The following TMEM41B variants were observed in gnomAD, a reference collection of about 807,000 sequenced individuals.
The protein encoded by TMEM41B is protein stasimon.
TMEM41B carries 18 observed loss-of-function variants against 31.9 expected under a neutral mutation model. That is an observed-to-expected ratio of 0.56 (90% CI 0.39 to 0.84). TMEM41B has a LOEUF of 0.84. Among genes scored for constraint, TMEM41B ranks in the 40% least tolerant of loss-of-function variants. The pLI, the probability that TMEM41B is intolerant of heterozygous loss-of-function variation, is 0.00. For missense variants in TMEM41B, 322 were observed against 348.0 expected (o/e 0.93, Z 0.59); for synonymous variants, 144 against 124.3 (o/e 1.16, Z -1.05).
chr11:9,311,176 G>A (rs1426009066), intron 1 of TMEM41B: 1 of 1,285,800 alleles, frequency 7.8e-7, no homozygotes, highest in Non-Finnish European at 1.0e-6. Context: ...GGGGTAGGGT[G>A]TGGGGAGCAC....
chr11:9,290,897 C>T (rs1852943638), intron 3 of TMEM41B, among the ~76,000 whole-genome samples: 1 of 152,112 alleles, frequency 6.6e-6, no homozygotes, highest in African/African-American at 2.4e-5. Flanking sequence ...GGGTGGATCA[C>T]TTGAGACTAG....
chr11:9,296,565 G>A (rs1473392949), intron 2 of TMEM41B, among the ~76,000 whole-genome samples: 2 of 142,358 alleles, frequency 1.4e-5, no homozygotes, highest in Non-Finnish European at 3.0e-5. Flanking sequence ...GGCAGAGGCT[G>A]CAGTGAGCCT....
rs574913747 is a variant in TMEM41B at position 9,309,115 on chromosome 11, C to T, written c.121+5206G>A. Among the ~76,000 whole-genome samples the T allele has an allele frequency of 1.2e-3, 185 of 152,106 alleles. 1 individual carries two copies. Among genetic ancestry groups the T allele is most frequent in the African/African-American group, 4.0e-3 (167 of 41,512 alleles). On this transcript the variant is annotated intron_variant, in intron 1 of 6. Coordinates refer to ENST00000528080, the MANE Select transcript of TMEM41B (RefSeq NM_015012.4). ...ATACAAAATTAGCTGGGCGTGGTGACGTGTGCCTGTAATCCCGGCTACTGG... is the reference window on the plus strand; with the variant it reads ...ATACAAAATTAGCTGGGCGTGGTGATGTGTGCCTGTAATCCCGGCTACTGG...
chr11:9,301,044 T>G (rs542594497), intron 1 of TMEM41B, among the ~76,000 whole-genome samples: 39 of 152,200 alleles, frequency 2.6e-4, no homozygotes, highest in Non-Finnish European at 4.3e-4. Context: ...GTGACTCAAT[T>G]TTTATTTTAC....
At chr11:9,306,445 G>A (rs1853398546) in intron 1 of TMEM41B, among the ~76,000 whole-genome samples, 1 of 152,014 alleles carries the variant, frequency 6.6e-6, no homozygotes, top group Non-Finnish European at 1.5e-5. Context: ...CACTTTGGGA[G>A]GTCGAGGCGG....
rs954992301 is a variant in TMEM41B at position 9,280,883 on chromosome 11, G to A, written c.*2541C>T. The A allele has an allele frequency of 6.6e-6, 1 of 152,086 alleles. No homozygotes were observed. Among genetic ancestry groups the A allele is most frequent in the East Asian group, 1.9e-4 (1 of 5,188 alleles). The allele number at this position is 152,086 out of a possible 1,614,324, so 9.4% of individuals were successfully genotyped here. ...ACAAGCCAAAGCTTGAATTTACATG[G>A]GCATCAGGCCAAGTCTGTAAATCCG... On this transcript the variant is annotated 3_prime_UTR_variant, in exon 7 of 7. Transcript: ENST00000528080.
At chr11:9,311,589 G>T in intron 1 of TMEM41B, 1 of 1,054,216 alleles carries the variant, frequency 9.5e-7, no homozygotes, top group East Asian at 2.4e-5. Flanking sequence ...GGGAAAGGGT[G>T]GGTTGATAGG....
In TMEM41B at chr11:9,299,602, T is replaced by C. The variant is rs1240149929; in HGVS notation, c.221A>G (p.Asn74Ser). 1 of 1,609,910 alleles carries C rather than the reference T, an allele frequency of 6.2e-7. No individual in the cohort carries two copies. Among genetic ancestry groups the C allele is most frequent in the Non-Finnish European group, 8.5e-7 (1 of 1,177,848 alleles). The change falls in exon 2 of 7, where the codon AAT (asparagine) becomes AGT (serine). Residue 74 changes from asparagine to serine, a missense_variant. Physicochemically the swap from Asn to Ser is conservative, Grantham distance 46. Around this residue, in one of 3 missense-constraint regions of TMEM41B, gnomAD observed 183 missense variants for 175.3 expected, o/e 1.04. Coordinates refer to ENST00000528080, the MANE Select transcript of TMEM41B (RefSeq NM_015012.4). ...AAFVMFLVYK[N>S]FPQLSEEERV... is the part of the protein sequence containing the mutation. ...TACTTACTCACTAAGCTGAGGAAAA[T>C]TTTTATATACCAAAAACATAACAAA...
rs1853291245 is a variant in TMEM41B at position 9,302,860 on chromosome 11, G to C, written c.122-3159C>G. 2.0e-5 allele frequency among the ~76,000 whole-genome samples: 2 copies of C among 99,870 alleles called. 1 individual carries two copies. The highest frequency in any genetic ancestry group is 7.7e-5 in the African/African-American group (2 of 25,850). 65.5% of individuals were successfully genotyped at this position (99,870 alleles called of 152,430 possible). On this transcript the variant is annotated intron_variant, in intron 1 of 6. Transcript: ENST00000528080. The stretch of plus-strand genomic sequence containing the variant: ...ATACTATTTTTTAAAAAAAAATCCT[G>C]AGCCAGAGTGGTGGTGGTGTACACC...
chr11:9,313,365 C>T (rs1853609067), intron 1 of TMEM41B, among the ~76,000 whole-genome samples: 1 of 152,218 alleles, frequency 6.6e-6, no homozygotes, highest in Non-Finnish European at 1.5e-5. Context: ...TAGAAGTTCT[C>T]CTAGCCATCA....
chr11:9,299,302 AAAAG>A (rs1189332690), intron 2 of TMEM41B, among the ~76,000 whole-genome samples: 2 of 119,978 alleles, frequency 1.7e-5, no homozygotes, highest in Non-Finnish European at 3.5e-5. Context: ...AAAAAAAAAA[AAAAG>A]AAAGTATATA....
At chr11:9,306,711 C>T (rs964883390) in intron 1 of TMEM41B, among the ~76,000 whole-genome samples, 1 of 152,074 alleles carries the variant, frequency 6.6e-6, no homozygotes, top group Admixed American at 6.6e-5. Context: ...GCCAGAATCA[C>T]GCTCTTGGCC....
chr11:9,283,151 C>T lies in TMEM41B; in HGVS notation c.*273G>A, dbSNP rs190518351. The T allele has an allele frequency of 5.7e-5, 13 of 229,462 alleles. No homozygotes were observed. The East Asian group carries it at 1.3e-3, about 22-fold the overall frequency. 14.2% of individuals were successfully genotyped at this position (229,462 alleles called of 1,614,324 possible). On this transcript the variant is annotated 3_prime_UTR_variant, in exon 7 of 7. Coordinates refer to ENST00000528080, the MANE Select transcript of TMEM41B (RefSeq NM_015012.4). ...GGATCAACAATTTCCTACCACACTACTATTATCTACAGCTACCCTTGGTAT... is the reference window on the plus strand; with the variant it reads ...GGATCAACAATTTCCTACCACACTATTATTATCTACAGCTACCCTTGGTAT...
chr11:9,287,925 G>C (rs1412987184), intron 4 of TMEM41B, 119 bp from the exon 5 acceptor site: 2 of 731,542 alleles, frequency 2.7e-6, no homozygotes, highest in Non-Finnish European at 4.6e-6. Context: ...AGGGTACTCT[G>C]CATGACATCT....
At chr11:9,292,749 T>A (rs554100784) in intron 3 of TMEM41B, among the ~76,000 whole-genome samples, 81 of 152,176 alleles carry the variant, frequency 5.3e-4, no homozygotes, top group African/African-American at 1.9e-3. Context: ...TCAGCCTGCC[T>A]CGGTCTCCCA....
At position 9,299,640 on chromosome 11, in the gene TMEM41B, G is replaced by A; in HGVS notation, c.183C>T (p.Phe61=). The A allele has an allele frequency of 6.2e-7, 1 of 1,613,554 alleles. No homozygotes were observed. Among genetic ancestry groups the A allele is most frequent in the East Asian group, 2.2e-5 (1 of 44,866 alleles). Reference sequence around the variant, plus strand: ...AAAACATAACAAAAGCTGCAGATAAGAAAATGGACACCAATATAAGGAGTG... The same window carrying A: ...AAAACATAACAAAAGCTGCAGATAAAAAAATGGACACCAATATAAGGAGTG... The part of the protein sequence containing the change: ...RMSLLILVSI[F]LSAAFVMFLV... Residue 61 remains phenylalanine (F), a synonymous_variant, in exon 2 of 7, where the codon TTC becomes TTT. Transcript: ENST00000528080.
intron 2 of TMEM41B, 22 bp downstream of exon 2, chr11:9,299,562 G>T: frequency 7.0e-7 from 1 of 1,428,492 alleles, no homozygotes; most frequent in Non-Finnish European, 9.8e-7. Context: ...TACATTTTCA[G>T]TTTATCTCTC....
intron 2 of TMEM41B, 36 bp downstream of exon 2, chr11:9,299,548 T>C (rs754708413): frequency 2.2e-6 from 3 of 1,347,856 alleles, no homozygotes; most frequent in Middle Eastern, 2.3e-4. Context: ...CTTATAAATA[T>C]CTATACATTT....
At chr11:9,296,424 G>C (rs865841985) in intron 2 of TMEM41B, among the ~76,000 whole-genome samples, 3 of 151,498 alleles carry the variant, frequency 2.0e-5, no homozygotes, top group African/African-American at 7.3e-5. Context: ...TGAGGAGTTC[G>C]AGACCAGCCT....
Sources: gnomAD v4.1 joint callset for allele counts (sites outside exome capture counted in the v4.1 genomes callset) on GRCh38, gnomAD v4.1.1 for gene constraint, gnomAD v4.1.1 regional missense constraint, MANE v1.5 for transcripts, NCBI Gene and HGNC (gene_info 2026-07-23, HGNC 2026-07-21) for gene names.